The following RASGRP2 variants were observed in gnomAD, a reference collection of about 807,000 sequenced individuals.
RASGRP2 encodes the protein RAS guanyl releasing protein 2.
A neutral mutation model predicts 71.0 loss-of-function variants in RASGRP2; 44 were observed. The ratio of observed to expected loss-of-function variants is 0.62; its 90% CI spans 0.49 to 0.80. RASGRP2 has a LOEUF of 0.80. Ranked by LOEUF, RASGRP2 falls within the 30% of genes least tolerant of loss-of-function variation. The pLI is 0.00. For synonymous variants in RASGRP2, 350 were observed against 330.7 expected (o/e 1.06, Z -0.63); for missense variants, 663 against 813.4 (o/e 0.82, Z 2.25).
chr11:64,732,385 G>A (rs893488814), intron 12 of RASGRP2, among the ~76,000 whole-genome samples: 1 of 152,128 alleles, frequency 6.6e-6, no homozygotes, highest in Non-Finnish European at 1.5e-5. Context: ...TAGGCCAGGT[G>A]CGGTGGCTCA....
chr11:64,742,538 C>G lies in RASGRP2; in HGVS notation c.73+256G>C. 1 of 596,688 alleles carries G rather than the reference C, an allele frequency of 1.7e-6. No homozygotes were observed. Among genetic ancestry groups the G allele is most frequent in the Non-Finnish European group, 3.0e-6 (1 of 334,964 alleles). 37.0% of individuals were successfully genotyped at this position (596,688 alleles called of 1,614,324 possible). A position where few individuals can be genotyped will look rare whatever the true frequency, so the allele number is the denominator to read the frequency against. ...TCCCCGGGAGACAGATAATGCCCCT[C>G]AAGTGTCAGAGTCCGGGACCCGGCC... is the stretch of plus-strand genomic sequence containing the variant. On this transcript the variant is annotated intron_variant, in intron 2 of 16. Transcript: ENST00000394432. This position sits in a 1 kb window ranked among gnomAD's most constrained non-coding sequence, Gnocchi z 4.7.
Position 64,735,778 on chromosome 11 carries a change from C to G in RASGRP2, c.1174-114G>C. 6.8e-7 allele frequency: 1 copy of G among 1,479,184 alleles called. No individual in the cohort carries two copies. The highest frequency in any genetic ancestry group is 9.2e-7 in the Non-Finnish European group (1 of 1,081,724). The allele number at this position is 1,479,184 out of a possible 1,614,324, so 91.6% of individuals were successfully genotyped here. On this transcript the variant is annotated intron_variant, in intron 10 of 16. Coordinates refer to ENST00000394432, the MANE Select transcript of RASGRP2 (RefSeq NM_001098671.2). The surrounding 1 kb of genome is among the most constrained non-coding windows in gnomAD (Gnocchi z 4.2). ...AAGTCTGCCCAACACTACTGCCCTACCCCCAGGATGCCTCTGTCCTACAAG... is the reference window on the plus strand; with the variant it reads ...AAGTCTGCCCAACACTACTGCCCTAGCCCCAGGATGCCTCTGTCCTACAAG...
chr11:64,737,389 A>C (rs749344412), intron 8 of RASGRP2: 1 of 347,970 alleles, frequency 2.9e-6, no homozygotes, highest in Non-Finnish European at 5.5e-6. Context: ...TGGAAAAACC[A>C]GCTGGGCGTG....
chr11:64,737,619 G>A (rs1209251187), intron 8 of RASGRP2, among the ~76,000 whole-genome samples: 1 of 144,508 alleles, frequency 6.9e-6, no homozygotes, highest in Non-Finnish European at 1.5e-5. Context: ...GTGCAGTGAT[G>A]CAGTGAGCCA....
intron 5 of RASGRP2, 62 bp from the exon 6 acceptor site, chr11:64,740,225 C>T (rs1340074042): frequency 6.3e-7 from 1 of 1,595,830 alleles, no homozygotes; most frequent in East Asian, 2.2e-5. Context: ...GCCCCCCACT[C>T]ACACAGACAC....
chr11:64,735,706 G>C lies in RASGRP2; in HGVS notation c.1174-42C>G. The C allele has an allele frequency of 6.3e-7, 1 of 1,588,212 alleles. No homozygotes were observed. The highest frequency in any genetic ancestry group is 1.1e-5 in the South Asian group (1 of 88,214). ...GCCTGAGCTAGGGCCAGAGGCAGGG[G>C]AAGCCCAGAGCCCCGGGGAACAGAG... On this transcript the variant is annotated intron_variant, in intron 10 of 16. Coordinates refer to ENST00000394432, the MANE Select transcript of RASGRP2 (RefSeq NM_001098671.2). This position sits in a 1 kb window ranked among gnomAD's most constrained non-coding sequence, Gnocchi z 4.2.
rs2058202197 is a variant in RASGRP2 at position 64,743,315 on chromosome 11, C to G, written c.-71-378G>C. ...TGCGCCCCTCCCGCTTCCCTCCCTC[C>G]ACAGCCTCCCTTCCCCCGCAGGGTT... On this transcript the variant is annotated intron_variant, in intron 1 of 16. Coordinates refer to ENST00000394432, the MANE Select transcript of RASGRP2 (RefSeq NM_001098671.2). This position sits in a 1 kb window ranked among gnomAD's most constrained non-coding sequence, Gnocchi z 4.9. The G allele has an allele frequency of 2.2e-6, 1 of 453,504 alleles. No homozygotes were observed. The highest frequency in any genetic ancestry group is 4.4e-6 in the Non-Finnish European group (1 of 227,766). 28.1% of individuals were successfully genotyped at this position (453,504 alleles called of 1,614,324 possible). A position where few individuals can be genotyped will look rare whatever the true frequency, so the allele number is the denominator to read the frequency against.
intron 14 of RASGRP2, among the ~76,000 whole-genome samples, chr11:64,729,350 T>TG (rs1417147259): frequency 1.3e-5 from 2 of 151,006 alleles, no homozygotes; most frequent in Non-Finnish European, 3.0e-5. Context: ...TGTTGTTTTT[T>TG]TTTTTGAGAC....
chr11:64,737,995 G>A (rs1459264935), intron 8 of RASGRP2, among the ~76,000 whole-genome samples: 2 of 149,874 alleles, frequency 1.3e-5, no homozygotes, highest in Admixed American at 6.7e-5. Flanking sequence ...GCAGTGATGA[G>A]ATCTCGCCAC....
rs1239254454 is a variant in RASGRP2, at chr11:64,743,551, C to G, written c.-72+452G>C. On this transcript the variant is annotated intron_variant, in intron 1 of 16. Transcript: ENST00000394432. This position sits in a 1 kb window ranked among gnomAD's most constrained non-coding sequence, Gnocchi z 4.9. Reference sequence around the variant, plus strand: ...TTCCTGGGGCGGGGGGAGCCCGCTGCGGCCAGGAGGCGTCAGCGGGAAGCC... The same window carrying G: ...TTCCTGGGGCGGGGGGAGCCCGCTGGGGCCAGGAGGCGTCAGCGGGAAGCC... 2.1e-5 allele frequency: 7 copies of G among 338,216 alleles called. No homozygotes were observed. Among genetic ancestry groups the G allele is most frequent in the Middle Eastern group, 4.1e-4 (1 of 2,464 alleles). 21.0% of individuals were successfully genotyped at this position (338,216 alleles called of 1,614,324 possible).
Position 64,742,105 on chromosome 11 carries a change from G to A in RASGRP2, c.81C>T (p.Ser27=), listed in dbSNP as rs1060499893. The A allele has an allele frequency of 1.3e-6, 2 of 1,592,280 alleles. No individual in the cohort carries two copies. Among genetic ancestry groups the A allele is most frequent in the Non-Finnish European group, 1.7e-6 (2 of 1,169,536 alleles). The change falls in exon 3 of 17, where the codon TCC becomes TCT. Residue 27 remains serine, a synonymous_variant. Transcript: ENST00000394432. This position sits in a 1 kb window ranked among gnomAD's most constrained non-coding sequence, Gnocchi z 4.7. ...CCAGCTGCGGGTCCCGCACCTTCCC[G>A]GAGTCATCTGACTCCGAAGGGTCAA... ...LRGCIEAFDD[S]GKVRDPQLVR...
At chr11:64,730,318 G>C (rs2057725070) in intron 12 of RASGRP2, 124 bp from the exon 13 acceptor site, 1 of 1,266,076 alleles carries the variant, frequency 7.9e-7, no homozygotes, top group Non-Finnish European at 1.1e-6. Context: ...CTGTTGCAGA[G>C]TAAAGAAAAG....
At position 64,735,188 on chromosome 11, in the gene RASGRP2, T is replaced by C. The variant is rs2057889969; in HGVS notation, c.1336A>G (p.Ile446Val). 3 of 1,614,194 alleles carry C rather than the reference T, an allele frequency of 1.9e-6. No individual in the cohort carries two copies. Among genetic ancestry groups the C allele is most frequent in the East Asian group, 2.2e-5 (1 of 44,890 alleles). The change falls in exon 12 of 17, where the codon ATC becomes GTC. Residue 446 changes from isoleucine to valine, a missense_variant. Physicochemically the swap from Ile to Val is conservative, Grantham distance 29 (BLOSUM62 3). Transcript: ENST00000394432. The surrounding 1 kb of genome is among the most constrained non-coding windows in gnomAD (Gnocchi z 4.2). ...ATGATCTGGAATTCTTCCTGTGAGA[T>C]GTGGCCATCCCCATCGACGTCAAAG... Reference protein sequence around the residue: ...RNFDVDGDGHISQEEFQIIRG... With the variant: ...RNFDVDGDGHVSQEEFQIIRG...
Position 64,735,474 on chromosome 11 carries a change from G to A in RASGRP2, c.1296+68C>T. 3 of 1,609,642 alleles carry A rather than the reference G, an allele frequency of 1.9e-6. No individual in the cohort carries two copies. The South Asian group carries it at 3.3e-5, about 18-fold the overall frequency. On this transcript the variant is annotated intron_variant, in intron 11 of 16. Coordinates refer to ENST00000394432, the MANE Select transcript of RASGRP2 (RefSeq NM_001098671.2). The surrounding 1 kb of genome is among the most constrained non-coding windows in gnomAD (Gnocchi z 4.2). ...GGTCTTGAACAGGACACTCGTGCTG[G>A]CTTCCAGGGCAGTGCTCCGGCAAAC...
At chr11:64,741,231 C>T (rs71581754) in intron 4 of RASGRP2, 152 bp from the exon 5 acceptor site, 123 of 1,154,616 alleles carry the variant, frequency 1.1e-4, no homozygotes, top group Middle Eastern at 2.7e-4. Flanking sequence ...GTACATTAGA[C>T]CCTTGAGACA....
chr11:64,737,133 C>T, intron 8 of RASGRP2, 99 bp from the exon 9 acceptor site: 4 of 1,471,674 alleles, frequency 2.7e-6, no homozygotes, highest in Middle Eastern at 1.7e-4. Context: ...GGGTCAGGGA[C>T]AGGTGAAAGA....
Position 64,740,030 on chromosome 11 carries a change from A to G in RASGRP2, c.505T>C (p.Ser169Pro). ...GGCCGCACCAGGATCTTGCAGAAGG[A>G]GCGATACTCCAAGTAGGTGAGATGC... ...AEHLTYLEYR[S>P]FCKILFQDYH... Residue 169 changes from serine (S) to proline (P), a missense_variant, in exon 6 of 17, where the codon TCC becomes CCC. By Grantham distance (74) the Ser-to-Pro change is moderately conservative. Coordinates refer to ENST00000394432, the MANE Select transcript of RASGRP2 (RefSeq NM_001098671.2). 1.2e-6 allele frequency: 2 copies of G among 1,614,002 alleles called. No homozygotes were observed. Among genetic ancestry groups the G allele is most frequent in the Admixed American group, 3.3e-5 (2 of 60,010 alleles).
chr11:64,735,763 A>G lies in RASGRP2; in HGVS notation c.1174-99T>C. 1 of 1,507,058 alleles carries G rather than the reference A, an allele frequency of 6.6e-7. No individual in the cohort carries two copies. Among genetic ancestry groups the G allele is most frequent in the East Asian group, 2.4e-5 (1 of 41,848 alleles). 93.4% of individuals were successfully genotyped at this position (1,507,058 alleles called of 1,614,324 possible). Reference sequence around the variant, plus strand: ...ATCCCTGGGAGAGGGAAGTCTGCCCAACACTACTGCCCTACCCCCAGGATG... The same window carrying G: ...ATCCCTGGGAGAGGGAAGTCTGCCCGACACTACTGCCCTACCCCCAGGATG... On this transcript the variant is annotated intron_variant, in intron 10 of 16. Coordinates refer to ENST00000394432, the MANE Select transcript of RASGRP2 (RefSeq NM_001098671.2). This position sits in a 1 kb window ranked among gnomAD's most constrained non-coding sequence, Gnocchi z 4.2.
At chr11:64,737,658 G>T (rs1417682886) in intron 8 of RASGRP2, among the ~76,000 whole-genome samples, 1 of 125,564 alleles carries the variant, frequency 8.0e-6, no homozygotes, top group Admixed American at 8.8e-5. Context: ...CCAGCCTGGC[G>T]ACAGAGCAAG....
Sources: allele counts gnomAD v4.1 joint callset (sites outside exome capture counted in the v4.1 genomes callset), GRCh38; gene constraint gnomAD v4.1.1; non-coding constraint Gnocchi (gnomAD v3.1); transcripts MANE v1.5; gene names NCBI Gene and HGNC (gene_info 2026-07-23, HGNC 2026-07-21).